The following ADGRF5 variants were observed in gnomAD, a reference collection of about 807,000 sequenced individuals.
ADGRF5 encodes the protein G-protein coupled receptor 116.
Under a neutral mutation model 132.3 loss-of-function variants are expected in ADGRF5, and 75 were observed. The ratio of observed to expected loss-of-function variants is 0.57; its 90% CI spans 0.47 to 0.69. The LOEUF (loss-of-function observed/expected upper bound fraction) is 0.69. ADGRF5 is among the 30% of genes least tolerant of loss of function. The pLI, the probability that ADGRF5 is intolerant of heterozygous loss-of-function variation, is 0.00. For missense variants in ADGRF5, 1,516 were observed against 1,630.6 expected, an observed-to-expected ratio of 0.93 and a Z score of 1.21; for synonymous variants, 629 against 597.6, an observed-to-expected ratio of 1.05 and a Z score of -0.77.
intron 1 of ADGRF5, among the ~76,000 whole-genome samples, chr6:46,919,452 A>C (rs113728546): frequency 5.9e-5 from 9 of 152,380 alleles, no homozygotes; most frequent in African/African-American, 2.2e-4. Context: ...TAAATACAAG[A>C]GATTGAATGC....
intron 3 of ADGRF5, among the ~76,000 whole-genome samples, chr6:46,897,305 G>A (rs915319498): frequency 2.6e-5 from 4 of 151,608 alleles, no homozygotes; most frequent in African/African-American, 9.7e-5. Flanking sequence ...AAATGCTAAA[G>A]ATTTTGTCCA....
intron 1 of ADGRF5, among the ~76,000 whole-genome samples, chr6:46,915,073 C>A (rs1395599554): frequency 6.6e-6 from 1 of 151,876 alleles, no homozygotes; most frequent in Non-Finnish European, 1.5e-5. Flanking sequence ...CCAGGCTGGT[C>A]TTGAACTCCT....
chr6:46,872,967 G>C (rs79316195), intron 10 of ADGRF5, among the ~76,000 whole-genome samples: 2,490 of 152,228 alleles, frequency 0.016, 57 homozygotes, highest in African/African-American at 0.057. Flanking sequence ...ACCCCAGAAA[G>C]GTTGTTTGAA....
chr6:46,856,970 G>A lies in ADGRF5; in HGVS notation c.3775-62C>T, dbSNP rs1769127965. 3 of 1,301,596 alleles carry A rather than the reference G, an allele frequency of 2.3e-6. No homozygotes were observed. In the Admixed American group the frequency reaches 5.2e-5, roughly 23 times the overall value. 80.6% of individuals were successfully genotyped at this position (1,301,596 alleles called of 1,614,324 possible). ...TTATAGTCTATTGTCCAGCAAAGGA[G>A]GAAGTACTGTTAACCTGGTGTTAAA... On this transcript the variant is annotated intron_variant, in intron 17 of 20. Transcript: ENST00000283296.
chr6:46,917,702 G>A (rs1229255543), intron 1 of ADGRF5, among the ~76,000 whole-genome samples: 2 of 151,208 alleles, frequency 1.3e-5, no homozygotes, highest in Non-Finnish European at 2.9e-5. Context: ...TGTGTGTGAT[G>A]CTCCCCACCC....
chr6:46,919,835 G>T (rs1367484909), intron 1 of ADGRF5, among the ~76,000 whole-genome samples: 2 of 152,188 alleles, frequency 1.3e-5, no homozygotes, highest in Non-Finnish European at 2.9e-5. Flanking sequence ...TATTGAAAGT[G>T]TTCGTATTAT....
At chr6:46,892,746 T>C (rs1278896648) in intron 3 of ADGRF5, among the ~76,000 whole-genome samples, 1 of 152,020 alleles carries the variant, frequency 6.6e-6, no homozygotes, top group African/African-American at 2.4e-5. Context: ...ATAGACCCCA[T>C]CTCAGAAAAA....
intron 1 of ADGRF5, among the ~76,000 whole-genome samples, chr6:46,945,462 T>C (rs1220176487): frequency 6.6e-6 from 1 of 152,164 alleles, no homozygotes; most frequent in Non-Finnish European, 1.5e-5. Context: ...AAAAACCTAA[T>C]GTGCCAGGTA....
intron 15 of ADGRF5, among the ~76,000 whole-genome samples, chr6:46,861,342 A>G (rs1199753756): frequency 6.6e-6 from 1 of 152,144 alleles, no homozygotes; most frequent in Admixed American, 6.5e-5. Flanking sequence ...TTGTGTATTT[A>G]TTAAGAGTGC....
chr6:46,930,898 A>G (rs1473437990), intron 1 of ADGRF5, among the ~76,000 whole-genome samples: 1 of 152,066 alleles, frequency 6.6e-6, no homozygotes, highest in African/African-American at 2.4e-5. Flanking sequence ...ACAAAACAAT[A>G]CAAAAATTAG....
chr6:46,904,838 T>G (rs1775147760), intron 2 of ADGRF5, among the ~76,000 whole-genome samples: 1 of 152,124 alleles, frequency 6.6e-6, no homozygotes, highest in South Asian at 2.1e-4. Context: ...CAGGCTCAAG[T>G]GCACTTTTCC....
intron 4 of ADGRF5, among the ~76,000 whole-genome samples, chr6:46,884,882 C>T (rs974308971): frequency 2.0e-5 from 3 of 152,088 alleles, no homozygotes; most frequent in Non-Finnish European, 4.4e-5. Context: ...CTGGAGGCTG[C>T]CAACAACCAC....
rs1405192036 is a variant in ADGRF5 at position 46,852,897 on chromosome 6, T to G, written c.*1095A>C. 1 of 152,538 alleles carries G rather than the reference T, an allele frequency of 6.6e-6. No individual in the cohort carries two copies. Among genetic ancestry groups the G allele is most frequent in the African/African-American group, 2.4e-5 (1 of 41,402 alleles). The allele number at this position is 152,538 out of a possible 1,614,324, so 9.4% of individuals were successfully genotyped here. ...ACACACCAAGGGCCAGTATCCACAA[T>G]AATAATAACAGTGACAACAGCAATA... is the stretch of plus-strand genomic sequence containing the variant. On this transcript the variant is annotated 3_prime_UTR_variant, in exon 21 of 21. Coordinates refer to ENST00000283296, the MANE Select transcript of ADGRF5 (RefSeq NM_001098518.2).
At chr6:46,915,288 T>TTAATAATAATAATAATAATAATAATAA (rs76660188) in intron 1 of ADGRF5, among the ~76,000 whole-genome samples, 2 of 149,604 alleles carry the variant, frequency 1.3e-5, no homozygotes, top group African/African-American at 4.9e-5. Context: ...CTTGACTATT[T>TTAATAATAATAATAATAATAATAATAA]TAATAATAAT....
chr6:46,875,553 G>A (rs1275104542), intron 10 of ADGRF5, among the ~76,000 whole-genome samples: 1 of 152,188 alleles, frequency 6.6e-6, no homozygotes, highest in African/African-American at 2.4e-5. Context: ...GGGAGGCCAA[G>A]GTGGGTGGAG....
Position 46,858,242 on chromosome 6 carries a change from T to C in ADGRF5, c.3661A>G (p.Ile1221Val), listed in dbSNP as rs1214146367. Reference sequence around the variant, plus strand: ...CCCAAGAGTGGTGTGAGGACCCCAATGCTCTTGCTGATCTGAAACAGGCTG... The same window carrying C: ...CCCAAGAGTGGTGTGAGGACCCCAACGCTCTTGCTGATCTGAAACAGGCTG... ...KSSLFQISKSIGVLTPLLGLT... is the reference protein window; with the variant it reads ...KSSLFQISKSVGVLTPLLGLT... Residue 1221 changes from isoleucine (I) to valine (V), a missense_variant, in exon 17 of 21, where the codon ATT (isoleucine) becomes GTT (valine). Around this residue, in one of 2 missense-constraint regions of ADGRF5, gnomAD observed 571 missense variants for 701.2 expected, o/e 0.81. Transcript: ENST00000283296. The C allele has an allele frequency of 6.2e-7, 1 of 1,613,968 alleles. No individual in the cohort carries two copies. Among genetic ancestry groups the C allele is most frequent in the Non-Finnish European group, 8.5e-7 (1 of 1,180,022 alleles).
In ADGRF5 at chr6:46,855,972, A is replaced by C; in HGVS notation, c.3961+2T>G. 1 of 1,560,614 alleles carries C rather than the reference A, an allele frequency of 6.4e-7. No homozygotes were observed. The highest frequency in any genetic ancestry group is 8.8e-7 in the Non-Finnish European group (1 of 1,133,420). Reference sequence around the variant, plus strand: ...AGGGAGAAACTGGAGGCCACTACTCACCTGTTTTACCAAACAAATTGTTAA... The same window carrying C: ...AGGGAGAAACTGGAGGCCACTACTCCCCTGTTTTACCAAACAAATTGTTAA... On this transcript the variant is annotated splice_donor_variant, in intron 20 of 20. Transcript: ENST00000283296. LOFTEE classifies it high-confidence loss of function.
At chr6:46,948,040 A>C (rs1266159192) in intron 1 of ADGRF5, among the ~76,000 whole-genome samples, 1 of 152,098 alleles carries the variant, frequency 6.6e-6, no homozygotes, top group African/African-American at 2.4e-5. Context: ...TTCATCTTTC[A>C]CGGAGACCCC....
intron 3 of ADGRF5, among the ~76,000 whole-genome samples, chr6:46,898,772 C>T (rs956039127): frequency 6.6e-6 from 1 of 152,166 alleles, no homozygotes; most frequent in Non-Finnish European, 1.5e-5. Context: ...TTTAGACTCA[C>T]TAGATCAAGT....
Sources: allele counts gnomAD v4.1 joint callset (sites outside exome capture counted in the v4.1 genomes callset), GRCh38; gene constraint gnomAD v4.1.1; regional missense constraint gnomAD v4.1.1; transcripts MANE v1.5; gene names NCBI Gene and HGNC (gene_info 2026-07-23, HGNC 2026-07-21).